The following ANKS1B variants were observed in gnomAD, a reference collection of about 807,000 sequenced individuals.
The protein encoded by ANKS1B is ankyrin repeat and sterile alpha motif domain containing 1B.
A neutral mutation model predicts 148.3 loss-of-function variants in ANKS1B; 36 were observed. The ratio of observed to expected loss-of-function variants is 0.24; its 90% CI spans 0.19 to 0.32. ANKS1B has a LOEUF of 0.32. Ranked by LOEUF, ANKS1B falls within the 10% of genes least tolerant of loss-of-function variation. The probability of loss-of-function intolerance (pLI) is 1.00; values close to 1 mark genes in which losing one functional copy is unlikely to be tolerated. For missense variants in ANKS1B, 1,157 were observed against 1,542.6 expected (o/e 0.75, Z 4.19); for synonymous variants, 542 against 560.8 (o/e 0.97, Z 0.47).
chr12:99,095,322 T>C (rs1347978124), intron 15 of ANKS1B, among the ~76,000 whole-genome samples: 1 of 152,158 alleles, frequency 6.6e-6, no homozygotes, highest in East Asian at 1.9e-4. Flanking sequence ...AAGCAATGGT[T>C]GAACATGTGA....
intron 1 of ANKS1B, among the ~76,000 whole-genome samples, chr12:99,888,186 G>A (rs1489395657): frequency 6.6e-6 from 1 of 152,186 alleles, no homozygotes; most frequent in African/African-American, 2.4e-5. Context: ...CCTGAGAGAG[G>A]AAGTAACAGG....
chr12:99,407,553 T>G (rs1324275085), intron 11 of ANKS1B, among the ~76,000 whole-genome samples: 4 of 145,762 alleles, frequency 2.7e-5, no homozygotes, highest in Non-Finnish European at 4.6e-5. Context: ...GGCATCCAAG[T>G]TGAAAAGGAA....
intron 12 of ANKS1B, among the ~76,000 whole-genome samples, chr12:99,321,646 C>A (rs1454462241): frequency 6.6e-6 from 1 of 152,196 alleles, no homozygotes; most frequent in African/African-American, 2.4e-5. Flanking sequence ...CAACCCCTTG[C>A]ACTTCCTGGG....
chr12:99,490,748 G>C (rs2096546924), intron 10 of ANKS1B, among the ~76,000 whole-genome samples: 1 of 152,110 alleles, frequency 6.6e-6, no homozygotes. Context: ...AGTTAGTTGT[G>C]TTAATGTTAC....
At chr12:99,424,489 C>T (rs1386381025) in intron 11 of ANKS1B, among the ~76,000 whole-genome samples, 1 of 148,854 alleles carries the variant, frequency 6.7e-6, no homozygotes, top group Non-Finnish European at 1.5e-5. Flanking sequence ...GTGGTCAAAC[C>T]TGTGCTTAGC....
intron 17 of ANKS1B, among the ~76,000 whole-genome samples, chr12:99,015,456 C>A (rs2099941893): frequency 6.6e-6 from 1 of 152,190 alleles, no homozygotes; most frequent in South Asian, 2.1e-4. Flanking sequence ...TGTATGATAA[C>A]CCCCATGACA....
chr12:99,921,286 T>C (rs1316223699), intron 1 of ANKS1B, among the ~76,000 whole-genome samples: 1 of 152,104 alleles, frequency 6.6e-6, no homozygotes, highest in Non-Finnish European at 1.5e-5. Context: ...TAAGGGGCTC[T>C]TCCCCCTTTG....
chr12:99,616,001 C>A (rs1416324683), intron 9 of ANKS1B, among the ~76,000 whole-genome samples: 1 of 151,998 alleles, frequency 6.6e-6, no homozygotes, highest in Non-Finnish European at 1.5e-5. Flanking sequence ...CAATAATAGA[C>A]AAGCAGAGAG....
intron 12 of ANKS1B, among the ~76,000 whole-genome samples, chr12:99,303,702 T>C (rs2081981605): frequency 6.6e-6 from 1 of 152,122 alleles, no homozygotes. Context: ...TCTTCAGTGG[T>C]GATTTCTGAG....
intron 4 of ANKS1B, among the ~76,000 whole-genome samples, chr12:99,788,630 C>T (rs1023754748): frequency 2.6e-5 from 4 of 152,230 alleles, no homozygotes; most frequent in South Asian, 2.1e-4. Flanking sequence ...GGTACCACTT[C>T]GGCCACAGTA....
chr12:99,360,813 G>T (rs73149201), intron 12 of ANKS1B, among the ~76,000 whole-genome samples: 19,276 of 152,070 alleles, frequency 0.13, 1,296 homozygotes, highest in African/African-American at 0.18. Flanking sequence ...TTAAGATTTT[G>T]CGGTTTACTG....
At chr12:99,954,628 C>G (rs867085362) in intron 1 of ANKS1B, among the ~76,000 whole-genome samples, 1 of 149,540 alleles carries the variant, frequency 6.7e-6, no homozygotes, top group Admixed American at 6.6e-5. Flanking sequence ...TTCACCCTTT[C>G]CTTAGCTAAC....
At chr12:99,894,522 A>AG (rs1273844018) in intron 1 of ANKS1B, among the ~76,000 whole-genome samples, 2 of 90,914 alleles carry the variant, frequency 2.2e-5, no homozygotes, top group African/African-American at 8.0e-5. Context: ...AAAAAAAAAA[A>AG]AAAAAAAACA....
chr12:99,504,349 T>G, intron 10 of ANKS1B, 127 bp downstream of exon 10: 1 of 941,678 alleles, frequency 1.1e-6, no homozygotes, highest in Non-Finnish European at 1.6e-6. Flanking sequence ...GAAAAAATAA[T>G]TATTGGAACT....
intron 1 of ANKS1B, among the ~76,000 whole-genome samples, chr12:99,937,013 T>A (rs1429118272): frequency 6.6e-6 from 1 of 152,196 alleles, no homozygotes; most frequent in Non-Finnish European, 1.5e-5. Context: ...CAACCACATA[T>A]GGATACAGTA....
intron 9 of ANKS1B, among the ~76,000 whole-genome samples, chr12:99,617,768 C>T (rs1253657100): frequency 6.6e-6 from 1 of 151,444 alleles, no homozygotes; most frequent in East Asian, 1.9e-4. Flanking sequence ...AACAAACCTG[C>T]ACTTTCTGCA....
At chr12:99,576,696 G>T (rs1035996684) in intron 9 of ANKS1B, among the ~76,000 whole-genome samples, 1 of 151,998 alleles carries the variant, frequency 6.6e-6, no homozygotes, top group Non-Finnish European at 1.5e-5. Context: ...TGAAAACAAA[G>T]ATACAGCATG....
intron 9 of ANKS1B, among the ~76,000 whole-genome samples, chr12:99,578,552 C>A (rs551413344): frequency 6.6e-6 from 1 of 152,016 alleles, no homozygotes; most frequent in South Asian, 2.1e-4. Context: ...TTCTATACAC[C>A]AATAATCCAA....
chr12:99,366,256 C>A (rs1357630210), intron 12 of ANKS1B, among the ~76,000 whole-genome samples: 1 of 152,142 alleles, frequency 6.6e-6, no homozygotes, highest in African/African-American at 2.4e-5. Flanking sequence ...GATGACTGTC[C>A]CTTTTTTATG....
Sources: allele counts gnomAD v4.1 joint callset (sites outside exome capture counted in the v4.1 genomes callset), GRCh38; gene constraint gnomAD v4.1.1; transcripts MANE v1.5; gene names NCBI Gene and HGNC (gene_info 2026-07-23, HGNC 2026-07-21).